The following CAMTA1 variants were observed in gnomAD, a reference collection of about 807,000 sequenced individuals.
The protein encoded by CAMTA1 is calmodulin-binding transcription activator 1.
CAMTA1 carries 27 observed loss-of-function variants against 170.9 expected under a neutral mutation model. The observed-to-expected ratio is 0.16, with a 90% CI of 0.12 to 0.22. The LOEUF (loss-of-function observed/expected upper bound fraction) is 0.22, where lower values mean the gene tolerates loss of function less well. CAMTA1 is among the 10% of genes least tolerant of loss of function. The probability of loss-of-function intolerance (pLI) is 1.00; values close to 1 mark genes in which losing one functional copy is unlikely to be tolerated. For synonymous variants in CAMTA1, 833 were observed against 891.5 expected (o/e 0.93, Z 1.17); for missense variants, 1,619 against 2,217.2 (o/e 0.73, Z 5.42).
chr1:7,254,274 C>T (rs940447836), intron 5 of CAMTA1, among the ~76,000 whole-genome samples: 2 of 152,206 alleles, frequency 1.3e-5, no homozygotes, highest in South Asian at 4.1e-4. Context: ...CCTCTCGGCT[C>T]TTAAGGCGTG....
chr1:7,758,860 G>A (rs2096952599), intron 22 of CAMTA1, among the ~76,000 whole-genome samples: 1 of 150,674 alleles, frequency 6.6e-6, no homozygotes, highest in East Asian at 1.9e-4. Context: ...GTGTGAATCC[G>A]GGAGGCGGAG....
chr1:7,281,902 C>T (rs566746452), intron 5 of CAMTA1, among the ~76,000 whole-genome samples: 2 of 151,460 alleles, frequency 1.3e-5, no homozygotes, highest in South Asian at 4.2e-4. Flanking sequence ...AAACCAACCC[C>T]CTGTTCTTTC....
intron 3 of CAMTA1, among the ~76,000 whole-genome samples, chr1:6,919,339 G>T (rs1254264224): frequency 6.6e-6 from 1 of 152,240 alleles, no homozygotes; most frequent in Non-Finnish European, 1.5e-5. Context: ...TTCTGAGGCA[G>T]GAGGATGCTG....
intron 5 of CAMTA1, among the ~76,000 whole-genome samples, chr1:7,464,746 C>G (rs755363150): frequency 4.6e-5 from 7 of 152,158 alleles, no homozygotes; most frequent in Middle Eastern, 6.3e-3. Context: ...GGTGCACACT[C>G]ACGGGGGGTC....
chr1:6,814,407 A>G (rs2148385743), intron 1 of CAMTA1, among the ~76,000 whole-genome samples: 1 of 152,188 alleles, frequency 6.6e-6, no homozygotes, highest in South Asian at 2.1e-4. Context: ...CCACTTCCAG[A>G]CTTGGCCCCT....
intron 3 of CAMTA1, among the ~76,000 whole-genome samples, chr1:6,866,118 T>C (rs1488363098): frequency 6.6e-6 from 1 of 152,160 alleles, no homozygotes; most frequent in Non-Finnish European, 1.5e-5. Flanking sequence ...AGGATGAAGT[T>C]TGAAGTTAGA....
intron 5 of CAMTA1, among the ~76,000 whole-genome samples, chr1:7,442,574 C>T (rs372910992): frequency 3.3e-5 from 5 of 152,066 alleles, no homozygotes; most frequent in Non-Finnish European, 5.9e-5. Flanking sequence ...AAGTGGCACA[C>T]GGGTTGAGAA....
chr1:7,572,298 A>G (rs1226257319), intron 6 of CAMTA1, among the ~76,000 whole-genome samples: 1 of 152,054 alleles, frequency 6.6e-6, no homozygotes, highest in Non-Finnish European at 1.5e-5. Flanking sequence ...TTGTCTGTTT[A>G]CTCTGTTGAC....
At chr1:7,365,549 C>CG (rs2085901528) in intron 5 of CAMTA1, among the ~76,000 whole-genome samples, 2 of 152,182 alleles carry the variant, frequency 1.3e-5, no homozygotes, top group Admixed American at 1.3e-4. Flanking sequence ...GTGTGGACTT[C>CG]CCTGGGCCTG....
rs1249707221 is a variant in CAMTA1 at position 7,093,213 on chromosome 1, G to A, written c.302+1842G>A. Among the ~76,000 whole-genome samples, 1 of 152,166 alleles carries A rather than the reference G, an allele frequency of 6.6e-6. No individual in the cohort carries two copies. The highest frequency in any genetic ancestry group is 1.9e-4 in the East Asian group (1 of 5,202). ...TCATTAAAATGCGGGCCCCACCCTA[G>A]GGTTTCTGATTCAGCAGGTGCGGTG... On this transcript the variant is annotated intron_variant, in intron 4 of 22. Coordinates refer to ENST00000303635, the MANE Select transcript of CAMTA1 (RefSeq NM_015215.4). This position sits in a 1 kb window ranked among gnomAD's most constrained non-coding sequence, Gnocchi z 4.6.
At chr1:7,640,831 A>C (rs1342760745) in intron 7 of CAMTA1, among the ~76,000 whole-genome samples, 1 of 152,202 alleles carries the variant, frequency 6.6e-6, no homozygotes, top group African/African-American at 2.4e-5. Flanking sequence ...GAAGCAGGCC[A>C]AGAGTGGGCC....
intron 3 of CAMTA1, among the ~76,000 whole-genome samples, chr1:6,914,910 T>G (rs1028867961): frequency 2.0e-5 from 3 of 152,204 alleles, no homozygotes; most frequent in Admixed American, 1.3e-4. Flanking sequence ...AAAGACACAC[T>G]GTACTGCCTG....
chr1:7,432,588 T>C (rs973306545), intron 5 of CAMTA1, among the ~76,000 whole-genome samples: 3 of 152,160 alleles, frequency 2.0e-5, no homozygotes, highest in Non-Finnish European at 4.4e-5. Context: ...GCCAGGATGC[T>C]GAGGGGCCAG....
chr1:7,636,407 CA>C (rs1049440309), intron 6 of CAMTA1, among the ~76,000 whole-genome samples: 5 of 152,192 alleles, frequency 3.3e-5, no homozygotes, highest in Non-Finnish European at 5.9e-5. Context: ...ACCTTCCTAG[CA>C]ACAACCTGTG....
At chr1:6,951,645 G>A (rs930662918) in intron 3 of CAMTA1, among the ~76,000 whole-genome samples, 3 of 152,286 alleles carry the variant, frequency 2.0e-5, no homozygotes, top group South Asian at 2.1e-4. Flanking sequence ...TGGGTTCCAC[G>A]GGTGGGAGGC....
chr1:7,037,380 A>C (rs1428004711), intron 3 of CAMTA1, among the ~76,000 whole-genome samples: 1 of 152,170 alleles, frequency 6.6e-6, no homozygotes, highest in African/African-American at 2.4e-5. Flanking sequence ...AGAGGATCCC[A>C]CTTGAGGTGG....
intron 5 of CAMTA1, among the ~76,000 whole-genome samples, chr1:7,332,630 C>G (rs1419538507): frequency 6.6e-6 from 1 of 152,168 alleles, no homozygotes; most frequent in Non-Finnish European, 1.5e-5. Flanking sequence ...TTTCCCGCAG[C>G]CATTGTGTTA....
Position 7,273,916 on chromosome 1 carries a change from G to A in CAMTA1, c.438+24290G>A, listed in dbSNP as rs562426625. On this transcript the variant is annotated intron_variant, in intron 5 of 22. Coordinates refer to ENST00000303635, the MANE Select transcript of CAMTA1 (RefSeq NM_015215.4). ...AGTGCTCTAATATTTGTTGAAGGTAGAATACTATGATTGAAGATATATATT... is the reference window on the plus strand; with the variant it reads ...AGTGCTCTAATATTTGTTGAAGGTAAAATACTATGATTGAAGATATATATT... 2.0e-5 allele frequency among the ~76,000 whole-genome samples: 3 copies of A among 152,142 alleles called. No individual in the cohort carries two copies. The East Asian group carries it at 5.8e-4, about 29-fold the overall frequency.
chr1:7,095,335 G>A (rs914215498), intron 4 of CAMTA1, among the ~76,000 whole-genome samples: 2 of 152,150 alleles, frequency 1.3e-5, no homozygotes, highest in Admixed American at 6.5e-5. Context: ...GTGTTGTGAA[G>A]GAAGGGACCT....
Sources: gnomAD v4.1 joint callset for allele counts (sites outside exome capture counted in the v4.1 genomes callset) on GRCh38, gnomAD v4.1.1 for gene constraint, Gnocchi (gnomAD v3.1) non-coding constraint, MANE v1.5 for transcripts, NCBI Gene and HGNC (gene_info 2026-07-23, HGNC 2026-07-21) for gene names.